The following SEMA5B variants were observed in gnomAD, a reference collection of about 807,000 sequenced individuals.
SEMA5B encodes the protein semaphorin 5B.
In SEMA5B, 66 loss-of-function variants were observed where a neutral mutation model predicts 135.0. That is an observed-to-expected ratio of 0.49 (90% CI 0.40 to 0.60). SEMA5B has a LOEUF of 0.60. Among genes scored for constraint, SEMA5B ranks in the 20% least tolerant of loss-of-function variants. SEMA5B has a pLI of 0.00. For missense variants in SEMA5B, 1,501 were observed against 1,566.3 expected, an observed-to-expected ratio of 0.96 and a Z score of 0.70; for synonymous variants, 690 against 639.5, an observed-to-expected ratio of 1.08 and a Z score of -1.19.
intron 5 of SEMA5B, among the ~76,000 whole-genome samples, chr3:122,931,608 T>C (rs542390173): frequency 1.3e-5 from 2 of 152,358 alleles, no homozygotes; most frequent in African/African-American, 4.8e-5. Flanking sequence ...TCCTTAAACC[T>C]TTGAATTCAG....
chr3:122,987,653 G>C (rs561340785), intron 1 of SEMA5B, among the ~76,000 whole-genome samples: 25 of 152,272 alleles, frequency 1.6e-4, no homozygotes, highest in South Asian at 2.1e-4. Context: ...GTTCTCAGGT[G>C]GCCATGGTGT....
rs181328300 is a variant in SEMA5B, at chr3:122,922,055, C to T, written c.1548G>A (p.Glu516=). The T allele has an allele frequency of 3.8e-3, 5,739 of 1,496,860 alleles. 15 individuals carry two copies. The highest frequency in any genetic ancestry group is 4.5e-3 in the Non-Finnish European group (5,102 of 1,123,182). The allele number at this position is 1,496,860 out of a possible 1,614,324, so 92.7% of individuals were successfully genotyped here. Residue 516 remains glutamate (E), a synonymous_variant, in exon 12 of 23, where the codon GAG becomes GAA. Transcript: ENST00000357599. The stretch of plus-strand genomic sequence containing the variant: ...GGCGCCCGGGGGGCAGCACGTGCAG[C>T]TCCTCCAGGTAGCAGCCGTGGAGGC... ...SRSLHGCYLE[E]LHVLPPGRRE... is the part of the protein sequence containing the mutation.
At chr3:122,913,509 C>G (rs754379425) in intron 16 of SEMA5B, 25 bp downstream of exon 16, 2 of 1,603,234 alleles carry the variant, frequency 1.2e-6, no homozygotes, top group South Asian at 1.1e-5. Flanking sequence ...ACACCGCGCC[C>G]CTGGCCCACG....
At position 122,938,508 on chromosome 3, in the gene SEMA5B, G is replaced by T. The variant is rs937434261; in HGVS notation, c.474+917C>A. Among the ~76,000 whole-genome samples, 30 of 152,132 alleles carry T rather than the reference G, an allele frequency of 2.0e-4. 1 individual carries two copies. Among genetic ancestry groups the T allele is most frequent in the Non-Finnish European group, 4.4e-5 (3 of 68,024 alleles). ...AATGTCATACCAGCTCCCCAAGAAGGTCTCCCTTGTGGCAGTGAAACTCTA... is the reference window on the plus strand; with the variant it reads ...AATGTCATACCAGCTCCCCAAGAAGTTCTCCCTTGTGGCAGTGAAACTCTA... On this transcript the variant is annotated intron_variant, in intron 5 of 22. Transcript: ENST00000357599.
chr3:122,977,743 A>G (rs1044725885), intron 1 of SEMA5B, among the ~76,000 whole-genome samples: 64 of 152,218 alleles, frequency 4.2e-4, no homozygotes, highest in African/African-American at 1.5e-3. Flanking sequence ...CTAGAGTACA[A>G]AAGTCTCACT....
chr3:122,944,395 A>C (rs1440268909), intron 3 of SEMA5B, among the ~76,000 whole-genome samples: 1 of 152,170 alleles, frequency 6.6e-6, no homozygotes, highest in Non-Finnish European at 1.5e-5. Context: ...GGGCTCCCAT[A>C]GTCTTCTACT....
intron 1 of SEMA5B, among the ~76,000 whole-genome samples, chr3:122,964,901 C>G (rs1940752605): frequency 6.6e-6 from 1 of 152,198 alleles, no homozygotes. Context: ...CTTTCATTCT[C>G]CCTCCCTTTA....
intron 14 of SEMA5B, among the ~76,000 whole-genome samples, chr3:122,914,213 T>C (rs1049234256): frequency 6.6e-6 from 1 of 152,204 alleles, no homozygotes. Flanking sequence ...AGAGCCTTCT[T>C]CTATATATCA....
At chr3:122,990,646 T>C in intron 1 of SEMA5B, among the ~76,000 whole-genome samples, 1 of 152,168 alleles carries the variant, frequency 6.6e-6, no homozygotes, top group Non-Finnish European at 1.5e-5. Flanking sequence ...CACTGCCTCC[T>C]GTTCACATCA....
intron 1 of SEMA5B, among the ~76,000 whole-genome samples, chr3:122,997,567 A>G (rs1047999346): frequency 2.7e-5 from 4 of 149,642 alleles, no homozygotes; most frequent in Non-Finnish European, 4.4e-5. Context: ...GGAGGCCAAG[A>G]GGGGTAATGG....
At chr3:122,967,784 A>G (rs1211149710) in intron 1 of SEMA5B, among the ~76,000 whole-genome samples, 1 of 152,246 alleles carries the variant, frequency 6.6e-6, no homozygotes, top group African/African-American at 2.4e-5. Context: ...TGCTTCTTCC[A>G]GGGAAACCTG....
chr3:122,961,918 A>G (rs2107607518), intron 1 of SEMA5B, among the ~76,000 whole-genome samples: 1 of 152,294 alleles, frequency 6.6e-6, no homozygotes, highest in Admixed American at 6.5e-5. Flanking sequence ...CACCTTTCTC[A>G]GTTTCTAGAG....
chr3:122,963,024 G>C (rs1488567011), intron 1 of SEMA5B, among the ~76,000 whole-genome samples: 1 of 152,210 alleles, frequency 6.6e-6, no homozygotes, highest in Non-Finnish European at 1.5e-5. Flanking sequence ...AGACTTTTCA[G>C]GGTGGCAAAG....
intron 3 of SEMA5B, among the ~76,000 whole-genome samples, chr3:122,947,561 G>T (rs1939843343): frequency 6.6e-6 from 1 of 152,214 alleles, no homozygotes; most frequent in Non-Finnish European, 1.5e-5. Context: ...TCTGCAGTGG[G>T]CAGTGGACAG....
chr3:123,007,320 G>C (rs1047117096), intron 1 of SEMA5B, among the ~76,000 whole-genome samples: 4 of 152,056 alleles, frequency 2.6e-5, no homozygotes, highest in African/African-American at 9.7e-5. Context: ...ATTCTCTAGG[G>C]TAGATCACAG....
intron 5 of SEMA5B, among the ~76,000 whole-genome samples, chr3:122,934,046 T>C (rs1462636477): frequency 6.7e-6 from 1 of 149,606 alleles, no homozygotes; most frequent in Non-Finnish European, 1.5e-5. Context: ...TAGCTGGGAT[T>C]ACAGGTGCGC....
intron 5 of SEMA5B, among the ~76,000 whole-genome samples, chr3:122,932,272 G>T (rs1192621538): frequency 2.4e-4 from 6 of 24,620 alleles, no homozygotes; most frequent in East Asian, 8.3e-4. Context: ...TTTTTTTTTG[G>T]AGAGAAGGTC....
chr3:122,914,652 G>A (rs1021110193), intron 14 of SEMA5B, among the ~76,000 whole-genome samples: 1 of 152,200 alleles, frequency 6.6e-6, no homozygotes, highest in African/African-American at 2.4e-5. Context: ...GAGTGTCCAA[G>A]GCTGGGTGTG....
chr3:122,939,889 C>G (rs1375498764), intron 4 of SEMA5B, among the ~76,000 whole-genome samples: 1 of 152,174 alleles, frequency 6.6e-6, no homozygotes, highest in Non-Finnish European at 1.5e-5. Flanking sequence ...AGACAGCCAG[C>G]TTCCTCCTAC....
Sources: gnomAD v4.1 joint callset for allele counts (sites outside exome capture counted in the v4.1 genomes callset) on GRCh38, gnomAD v4.1.1 for gene constraint, MANE v1.5 for transcripts, NCBI Gene and HGNC (gene_info 2026-07-23, HGNC 2026-07-21) for gene names.